SLC4A10: variants seen among roughly 807,000 people sequenced by gnomAD.
The protein encoded by SLC4A10 is solute carrier family 4 member 10.
SLC4A10 carries 42 observed loss-of-function variants against 137.7 expected under a neutral mutation model. The ratio of observed to expected loss-of-function variants is 0.30; its 90% confidence interval spans 0.24 to 0.39. The LOEUF (loss-of-function observed/expected upper bound fraction) is 0.39. Among genes scored for constraint, SLC4A10 ranks in the 10% least tolerant of loss-of-function variants. The pLI is 1.00. For missense variants in SLC4A10, 925 were observed against 1,355.0 expected, an observed-to-expected ratio of 0.68 and a Z score of 4.98; for synonymous variants, 474 against 464.1, an observed-to-expected ratio of 1.02 and a Z score of -0.27.
chr2:161,736,936 C>T (rs2047404507), intron 1 of SLC4A10, among the ~76,000 whole-genome samples: 1 of 152,138 alleles, frequency 6.6e-6, no homozygotes, highest in Admixed American at 6.6e-5. Flanking sequence ...TCATTGTTCA[C>T]TACAGCCTTG....
At chr2:161,811,455 C>T (rs2056543024) in intron 3 of SLC4A10, among the ~76,000 whole-genome samples, 1 of 151,866 alleles carries the variant, frequency 6.6e-6, no homozygotes, top group Non-Finnish European at 1.5e-5. Context: ...TTCTCCTTGC[C>T]TCCACAAGCA....
intron 1 of SLC4A10, among the ~76,000 whole-genome samples, chr2:161,672,086 T>C (rs1175355260): frequency 6.6e-6 from 1 of 152,024 alleles, no homozygotes; most frequent in Non-Finnish European, 1.5e-5. Context: ...GCACGTAGGG[T>C]ACATGGTGGG....
intron 1 of SLC4A10, among the ~76,000 whole-genome samples, chr2:161,736,273 G>C (rs2047333115): frequency 6.6e-6 from 1 of 152,116 alleles, no homozygotes; most frequent in African/African-American, 2.4e-5. Flanking sequence ...GCACAGAGCT[G>C]AGACTTCAGG....
At chr2:161,873,818 A>C in intron 7 of SLC4A10, 98 bp from the exon 8 acceptor site, 1 of 1,205,892 alleles carries the variant, frequency 8.3e-7, no homozygotes, top group Non-Finnish European at 1.2e-6. Flanking sequence ...TGCCTAAATA[A>C]TCTAGATCTA....
intron 15 of SLC4A10, among the ~76,000 whole-genome samples, chr2:161,929,452 C>A (rs928907673): frequency 6.6e-6 from 1 of 152,184 alleles, no homozygotes; most frequent in African/African-American, 2.4e-5. Context: ...AGCTTAAACA[C>A]GTGTTGTAAT....
chr2:161,864,819 T>G (rs916641207), intron 6 of SLC4A10, among the ~76,000 whole-genome samples: 1 of 152,154 alleles, frequency 6.6e-6, no homozygotes, highest in Non-Finnish European at 1.5e-5. Context: ...TTTTATATTC[T>G]AAGAGATGTA....
At chr2:161,900,581 C>A (rs185957386) in intron 11 of SLC4A10, among the ~76,000 whole-genome samples, 2 of 152,082 alleles carry the variant, frequency 1.3e-5, no homozygotes, top group East Asian at 1.9e-4. Context: ...TTCTTGCCCA[C>A]CTTTGCAGCT....
intron 3 of SLC4A10, among the ~76,000 whole-genome samples, chr2:161,827,675 C>G (rs1239274801): frequency 6.6e-6 from 1 of 152,038 alleles, no homozygotes; most frequent in Non-Finnish European, 1.5e-5. Context: ...ACACCATTCT[C>G]CTGCCTCAGC....
chr2:161,951,020 A>G (rs1694706164), intron 19 of SLC4A10, among the ~76,000 whole-genome samples, 172 bp downstream of exon 19: 1 of 152,162 alleles, frequency 6.6e-6, no homozygotes, highest in Non-Finnish European at 1.5e-5. Flanking sequence ...ATGAGATGAG[A>G]ATTTACTTAT....
rs555659297 is a variant in SLC4A10 at position 161,836,570 on chromosome 2, A to G, written c.278-3219A>G. Among the ~76,000 whole-genome samples, 1,094 of 135,152 alleles carry G rather than the reference A, an allele frequency of 8.1e-3. 16 individuals carry two copies. Among genetic ancestry groups the G allele is most frequent in the African/African-American group, 0.029 (1,039 of 35,560 alleles). The allele number at this position is 135,152 out of a possible 152,430, so 88.7% of individuals were successfully genotyped here. A position where few individuals can be genotyped will look rare whatever the true frequency, so the allele number is the denominator to read the frequency against. On this transcript the variant is annotated intron_variant, in intron 3 of 26. Transcript: ENST00000446997. ...AAAGAAAGAAAGAAAGAAAGAAAGA[A>G]AGAAAGAAAGAAAGAAAGAAAGAAA...
At chr2:161,646,850 A>G (rs1467907383) in intron 1 of SLC4A10, among the ~76,000 whole-genome samples, 1 of 152,032 alleles carries the variant, frequency 6.6e-6, no homozygotes, top group Non-Finnish European at 1.5e-5. Flanking sequence ...ATAGGAAAAC[A>G]TTTCACATTT....
At chr2:161,964,494 A>G (rs1320224658) in intron 22 of SLC4A10, among the ~76,000 whole-genome samples, 186 bp downstream of exon 22, 1 of 152,170 alleles carries the variant, frequency 6.6e-6, no homozygotes, top group Non-Finnish European at 1.5e-5. Context: ...AGTGATTCCT[A>G]TTAGTTTTGT....
At chr2:161,661,751 T>C (rs879691154) in intron 1 of SLC4A10, among the ~76,000 whole-genome samples, 1 of 152,222 alleles carries the variant, frequency 6.6e-6, no homozygotes, top group African/African-American at 2.4e-5. Context: ...ATTTTTCAAA[T>C]TGAATTATTC....
At chr2:161,831,283 CTT>C (rs1445023169) in intron 3 of SLC4A10, among the ~76,000 whole-genome samples, 1 of 152,070 alleles carries the variant, frequency 6.6e-6, no homozygotes, top group African/African-American at 2.4e-5. Flanking sequence ...ATTTCAATAA[CTT>C]ATTAATTGGT....
At chr2:161,663,631 T>C (rs1482552777) in intron 1 of SLC4A10, among the ~76,000 whole-genome samples, 1 of 151,884 alleles carries the variant, frequency 6.6e-6, no homozygotes, top group African/African-American at 2.4e-5. Context: ...TTAATGGAGA[T>C]GGAGGCTGGG....
chr2:161,974,350 G>C, intron 24 of SLC4A10, 34 bp downstream of exon 24: 1 of 1,498,468 alleles, frequency 6.7e-7, no homozygotes, highest in South Asian at 1.2e-5. Flanking sequence ...ATCAATTAAA[G>C]TAATGAAATG....
intron 1 of SLC4A10, among the ~76,000 whole-genome samples, chr2:161,748,856 A>G (rs2048657945): frequency 6.6e-6 from 1 of 152,040 alleles, no homozygotes; most frequent in Admixed American, 6.6e-5. Context: ...TTGAATCTGT[A>G]TATTGCTTTG....
intron 15 of SLC4A10, among the ~76,000 whole-genome samples, chr2:161,909,647 C>A (rs948320046): frequency 3.9e-5 from 6 of 152,172 alleles, no homozygotes; most frequent in African/African-American, 1.2e-4. Context: ...ACACTGTGTA[C>A]ATGAATCTGA....
At chr2:161,634,452 A>T (rs2034092933) in intron 1 of SLC4A10, among the ~76,000 whole-genome samples, 1 of 151,868 alleles carries the variant, frequency 6.6e-6, no homozygotes, top group Admixed American at 6.6e-5. Context: ...AGACTATATG[A>T]ATTTCCTATT....
Sources: allele counts gnomAD v4.1 joint callset (sites outside exome capture counted in the v4.1 genomes callset), GRCh38; gene constraint gnomAD v4.1.1; transcripts MANE v1.5; gene names NCBI Gene and HGNC (gene_info 2026-07-23, HGNC 2026-07-21).